COA1: variants seen among roughly 807,000 people sequenced by gnomAD.
The protein encoded by COA1 is cytochrome c oxidase assembly factor 1.
In COA1, 13 loss-of-function variants were observed where a neutral mutation model predicts 16.0. The ratio of observed to expected loss-of-function variants is 0.81; its 90% CI spans 0.53 to 1.29. COA1 has a LOEUF of 1.29. Among genes scored for constraint, COA1 ranks in the 50% most tolerant of loss-of-function variants. COA1 has a pLI of 0.00. For missense variants in COA1, 179 were observed against 177.0 expected (o/e 1.01, Z -0.06); for synonymous variants, 65 against 65.7 (o/e 0.99, Z 0.05).
In COA1 at chr7:43,714,705, GA is replaced by G. The variant is rs1466468951; in HGVS notation, c.-39+14723del. Among the ~76,000 whole-genome samples, 3 of 150,018 alleles carry G rather than the reference GA, an allele frequency of 2.0e-5. No homozygotes were observed. In the East Asian group the frequency reaches 6.0e-4, roughly 30 times the overall value. On this transcript the variant is annotated intron_variant, in intron 1 of 5. Transcript: ENST00000223336. ...CTGACACAGACACGGGATACTAGAA[GA>G]AATTAAAAAAGAAACAATAGGGTGG...
At chr7:43,646,524 AACC>A in intron 3 of COA1, 1 of 456,172 alleles carries the variant, frequency 2.2e-6, no homozygotes, top group Non-Finnish European at 4.4e-6. Context: ...GCCGAGATTC[AACC>A]ATTCAACCCA....
At chr7:43,654,132 GTT>G (rs1269067244) in intron 1 of COA1, among the ~76,000 whole-genome samples, 5 of 152,150 alleles carry the variant, frequency 3.3e-5, no homozygotes. Context: ...TGGAGAAAGG[GTT>G]CGGCCCTTCA....
At chr7:43,619,307 T>C (rs562336588) in intron 6 of COA1, among the ~76,000 whole-genome samples, 1 of 152,256 alleles carries the variant, frequency 6.6e-6, no homozygotes, top group South Asian at 2.1e-4. Flanking sequence ...GCGTGCTGCA[T>C]GCAAGGAGAT....
chr7:43,688,926 CT>C (rs1016990761), intron 1 of COA1, among the ~76,000 whole-genome samples: 3 of 152,024 alleles, frequency 2.0e-5, no homozygotes, highest in South Asian at 4.2e-4. Context: ...AAAATGTAAT[CT>C]TTTTTTTCAC....
intron 6 of COA1, chr7:43,623,754 T>C (rs1443039881): frequency 1.2e-6 from 2 of 1,607,036 alleles, no homozygotes; most frequent in Non-Finnish European, 1.7e-6. Context: ...GAATATCACC[T>C]TTCTTAGGCA....
chr7:43,658,263 G>A (rs2092019679), intron 1 of COA1, among the ~76,000 whole-genome samples: 1 of 151,688 alleles, frequency 6.6e-6, no homozygotes, highest in African/African-American at 2.4e-5. Context: ...GGAGGCGGAG[G>A]CAGGAGAATG....
intron 1 of COA1, among the ~76,000 whole-genome samples, chr7:43,704,907 C>G (rs568056867): frequency 6.6e-6 from 1 of 152,230 alleles, no homozygotes; most frequent in Non-Finnish European, 1.5e-5. Context: ...AGTTCTTGCA[C>G]TGGTTCTTTC....
intron 1 of COA1, among the ~76,000 whole-genome samples, chr7:43,697,529 G>A (rs1263565257): frequency 3.9e-5 from 6 of 152,054 alleles, no homozygotes; most frequent in African/African-American, 9.7e-5. Context: ...CAAGTGATCC[G>A]CCTGCCTCGG....
chr7:43,691,369 GAGGGAGGGAGGAAGGA>G lies in COA1; in HGVS notation c.-39+38044_-39+38059del, dbSNP rs1338367966. Among the ~76,000 whole-genome samples, 65 of 18,732 alleles carry G rather than the reference GAGGGAGGGAGGAAGGA, an allele frequency of 3.5e-3. 2 individuals carry two copies. Among genetic ancestry groups the G allele is most frequent in the African/African-American group, 0.014 (58 of 4,230 alleles). 12.3% of individuals were successfully genotyped at this position (18,732 alleles called of 152,430 possible). ...GGAGGGAGGGAGGGAGGGAGGGAGG[GAGGGAGGGAGGAAGGA>G]AGGAAGGAAGGAAGGAAGGAAGGAA... On this transcript the variant is annotated intron_variant, in intron 1 of 5. Transcript: ENST00000223336.
chr7:43,722,853 T>C (rs2095538216), intron 1 of COA1, among the ~76,000 whole-genome samples: 1 of 152,180 alleles, frequency 6.6e-6, no homozygotes, highest in African/African-American at 2.4e-5. Flanking sequence ...ATCTGGAACA[T>C]CTAAGTCCAT....
chr7:43,619,768 C>T, intron 6 of COA1: 1 of 1,600,068 alleles, frequency 6.2e-7, no homozygotes, highest in Non-Finnish European at 8.5e-7. Context: ...CAGGCATCAC[C>T]TTCATTAGGG....
intron 4 of COA1, chr7:43,641,501 A>ATTCT (rs2087089934): frequency 6.6e-6 from 1 of 152,214 alleles, no homozygotes; most frequent in South Asian, 2.1e-4. Flanking sequence ...CACAGTATAA[A>ATTCT]TTCTTTTGTC....
intron 1 of COA1, among the ~76,000 whole-genome samples, chr7:43,697,566 G>A (rs922286787): frequency 6.6e-6 from 1 of 152,176 alleles, no homozygotes; most frequent in Non-Finnish European, 1.5e-5. Context: ...ATTAAGGTAT[G>A]AGCCACCGCA....
chr7:43,713,682 C>G (rs753224513), intron 1 of COA1, among the ~76,000 whole-genome samples: 1 of 152,140 alleles, frequency 6.6e-6, no homozygotes, highest in Non-Finnish European at 1.5e-5. Context: ...CACCACCCAC[C>G]TTTGATGCTG....
At chr7:43,625,078 T>G in intron 6 of COA1, 1 of 354,344 alleles carries the variant, frequency 2.8e-6, no homozygotes, top group Non-Finnish European at 5.1e-6. Context: ...AAGGGAGATG[T>G]TGGCACCTTT....
intron 1 of COA1, among the ~76,000 whole-genome samples, chr7:43,720,786 T>C (rs1214279439): frequency 6.6e-6 from 1 of 152,244 alleles, no homozygotes; most frequent in Non-Finnish European, 1.5e-5. Context: ...ATTAAGTTGC[T>C]GGAAGTATAA....
At chr7:43,727,142 C>A (rs986417894) in intron 1 of COA1, among the ~76,000 whole-genome samples, 45 of 151,904 alleles carry the variant, frequency 3.0e-4, no homozygotes, top group Non-Finnish European at 8.8e-5. Flanking sequence ...TACATGTCAA[C>A]GAAAAAGAAT....
At chr7:43,618,649 A>G (rs1022934407) in intron 6 of COA1, among the ~76,000 whole-genome samples, 15 of 152,218 alleles carry the variant, frequency 9.9e-5, no homozygotes, top group African/African-American at 3.6e-4. Context: ...AAATTTAATG[A>G]ATTTTACATT....
chr7:43,660,299 A>AC (rs1256443765), intron 1 of COA1, among the ~76,000 whole-genome samples: 1 of 151,964 alleles, frequency 6.6e-6, no homozygotes, highest in East Asian at 1.9e-4. Context: ...AAATACTTCC[A>AC]CAAGTCCCCA....
Sources: gnomAD v4.1 joint callset for allele counts (sites outside exome capture counted in the v4.1 genomes callset) on GRCh38, gnomAD v4.1.1 for gene constraint, MANE v1.5 for transcripts, NCBI Gene and HGNC (gene_info 2026-07-23, HGNC 2026-07-21) for gene names.